Variants in CABIN1 observed in about 807,000 individuals in gnomAD.
The protein encoded by CABIN1 is calcineurin-binding protein cabin-1.
A neutral mutation model predicts 227.7 loss-of-function variants in CABIN1; 133 were observed. That is an observed-to-expected ratio of 0.58 (90% CI 0.51 to 0.67). The LOEUF (loss-of-function observed/expected upper bound fraction) is 0.67. CABIN1 is among the 30% of genes least tolerant of loss of function. The pLI, the probability that CABIN1 is intolerant of heterozygous loss-of-function variation, is 0.00. For missense variants in CABIN1, 2,408 were observed against 2,852.5 expected (o/e 0.84, Z 3.55); for synonymous variants, 1,086 against 1,155.1 (o/e 0.94, Z 1.21).
At chr22:24,127,951 TTG>T (rs1409792995) in intron 28 of CABIN1, among the ~76,000 whole-genome samples, 1 of 152,138 alleles carries the variant, frequency 6.6e-6, no homozygotes, top group Non-Finnish European at 1.5e-5. Context: ...TGTGGGGATG[TTG>T]TGTGTGCACT....
Position 24,018,253 on chromosome 22 carries a change from AT to A in CABIN1, c.-75+6894del, listed in dbSNP as rs367981213. ...TTTTCTCCCAATTTGTTAGCTTTTA[AT>A]TTTTTTTCTGAGTTTTTAAATTTTT... On this transcript the variant is annotated intron_variant, in intron 1 of 36. Coordinates refer to ENST00000263119, the MANE Select transcript of CABIN1 (RefSeq NM_012295.4). Among the ~76,000 whole-genome samples the A allele has an allele frequency of 1.7e-3, 252 of 151,720 alleles. 1 individual carries two copies. Among genetic ancestry groups the A allele is most frequent in the African/African-American group, 5.7e-3 (236 of 41,350 alleles).
At chr22:24,076,755 C>T (rs761034100) in intron 19 of CABIN1, among the ~76,000 whole-genome samples, 1 of 152,142 alleles carries the variant, frequency 6.6e-6, no homozygotes, top group Admixed American at 6.5e-5. Flanking sequence ...TTAGTGAGAG[C>T]ACATACACTT....
intron 8 of CABIN1, among the ~76,000 whole-genome samples, chr22:24,052,261 G>A (rs2038393605): frequency 6.6e-6 from 1 of 152,128 alleles, no homozygotes; most frequent in South Asian, 2.1e-4. Flanking sequence ...AAGCAAGAGG[G>A]AGTTAGGCTC....
chr22:24,163,843 G>C (rs947917061), intron 29 of CABIN1, among the ~76,000 whole-genome samples: 3 of 152,190 alleles, frequency 2.0e-5, no homozygotes, highest in Non-Finnish European at 4.4e-5. Flanking sequence ...CTTTGCCCTG[G>C]TTAAGCCTTC....
intron 26 of CABIN1, among the ~76,000 whole-genome samples, chr22:24,107,814 C>T (rs17641131): frequency 0.022 from 3,418 of 152,330 alleles, 45 homozygotes; most frequent in Admixed American, 0.035. Context: ...GCTCGTGGGG[C>T]AGCTTGCCAG....
chr22:24,019,120 G>GTTTT lies in CABIN1; in HGVS notation c.-75+7778_-75+7781dup, dbSNP rs945660140. ...ATATTGTGCAACTTCACTGAGTGTT[G>GTTTT]TTTTTTTTTTTTTTTTTTTTTTTTT... On this transcript the variant is annotated intron_variant, in intron 1 of 36. Transcript: ENST00000263119. Among the ~76,000 whole-genome samples, 9 of 40,218 alleles carry GTTTT rather than the reference G, an allele frequency of 2.2e-4. 2 individuals are homozygous for GTTTT. Among genetic ancestry groups the GTTTT allele is most frequent in the South Asian group, 1.3e-3 (1 of 772 alleles). 26.4% of individuals were successfully genotyped at this position (40,218 alleles called of 152,430 possible).
intron 3 of CABIN1, among the ~76,000 whole-genome samples, chr22:24,036,975 C>CCCGGATTA (rs1385515616): frequency 6.6e-6 from 1 of 152,028 alleles, no homozygotes; most frequent in African/African-American, 2.4e-5. Context: ...AACATGGAAA[C>CCCGGATTA]CAGGCCGGGT....
chr22:24,091,568 A>G lies in CABIN1; in HGVS notation c.3526-15A>G, dbSNP rs752463662. On this transcript the variant is annotated splice_polypyrimidine_tract_variant and intron_variant, in intron 23 of 36. Coordinates refer to ENST00000263119, the MANE Select transcript of CABIN1 (RefSeq NM_012295.4). ...TCAGGCGTAAGGCCAGCCCAGTCTCATGATCTTCTTACAGATGGAGGGCCG... is the reference window on the plus strand; with the variant it reads ...TCAGGCGTAAGGCCAGCCCAGTCTCGTGATCTTCTTACAGATGGAGGGCCG... 2 of 1,614,142 alleles carry G rather than the reference A, an allele frequency of 1.2e-6. No homozygotes were observed. Among genetic ancestry groups the G allele is most frequent in the Non-Finnish European group, 1.7e-6 (2 of 1,180,010 alleles).
Position 24,061,994 on chromosome 22 carries a change from G to A in CABIN1, c.1665G>A (p.Gln555=), listed in dbSNP as rs1385122035. The change falls in exon 13 of 37, where the codon CAG becomes CAA. Residue 555 remains glutamine (Q), a synonymous_variant. Coordinates refer to ENST00000263119, the MANE Select transcript of CABIN1 (RefSeq NM_012295.4). ...SLSCMELQLD[Q]WLLTKGRSSA... The stretch of plus-strand genomic sequence containing the variant: ...CCTGCATGGAACTCCAGCTGGACCA[G>A]TGGCTGCTGACCAAAGGCAGAAGCT... 1 of 1,614,066 alleles carries A rather than the reference G, an allele frequency of 6.2e-7. No individual in the cohort carries two copies. Among genetic ancestry groups the A allele is most frequent in the Non-Finnish European group, 8.5e-7 (1 of 1,180,020 alleles).
At position 24,055,072 on chromosome 22, in the gene CABIN1, G is replaced by A. The variant is rs762448140; in HGVS notation, c.1006G>A (p.Ala336Thr). ...TVSTNPAVAVAEPVVSYTSVA... is the reference protein window; with the variant it reads ...TVSTNPAVAVTEPVVSYTSVA... ...CAGCACCAACCCAGCTGTGGCTGTCGCCGAGCCTGTGGTCTCCTACACCTC... is the reference window on the plus strand; with the variant it reads ...CAGCACCAACCCAGCTGTGGCTGTCACCGAGCCTGTGGTCTCCTACACCTC... Residue 336 changes from alanine to threonine, a missense_variant, in exon 9 of 37, where the codon GCC becomes ACC. Transcript: ENST00000263119. 15 of 1,614,096 alleles carry A rather than the reference G, an allele frequency of 9.3e-6. No homozygotes were observed. In the Admixed American group the frequency reaches 1.0e-4, roughly 11 times the overall value.
At chr22:24,014,630 A>G (rs2035101614) in intron 1 of CABIN1, among the ~76,000 whole-genome samples, 1 of 152,096 alleles carries the variant, frequency 6.6e-6, no homozygotes, top group Non-Finnish European at 1.5e-5. Context: ...AGTTAGGTTC[A>G]TTGTTAGTGT....
At chr22:24,027,027 T>C (rs2146722195) in intron 1 of CABIN1, among the ~76,000 whole-genome samples, 1 of 152,368 alleles carries the variant, frequency 6.6e-6, no homozygotes, top group South Asian at 2.1e-4. Context: ...GTGGTATGTC[T>C]TTCCATTTGT....
At chr22:24,150,333 T>C (rs1327509233) in intron 29 of CABIN1, among the ~76,000 whole-genome samples, 1 of 152,192 alleles carries the variant, frequency 6.6e-6, no homozygotes, top group Non-Finnish European at 1.5e-5. Flanking sequence ...AGGCCTGCGC[T>C]GACCTTGCAG....
intron 26 of CABIN1, among the ~76,000 whole-genome samples, chr22:24,107,815 A>C (rs1040757052): frequency 1.3e-5 from 2 of 152,220 alleles, no homozygotes; most frequent in African/African-American, 4.8e-5. Context: ...CTCGTGGGGC[A>C]GCTTGCCAGT....
chr22:24,041,165 G>C lies in CABIN1; in HGVS notation c.237G>C (p.Glu79Asp), dbSNP rs1329418726. The change falls in exon 5 of 37, where the codon GAG (glutamate) becomes GAC (aspartate). Residue 79 changes from glutamate to aspartate, a missense_variant. Around this residue, in one of 3 missense-constraint regions of CABIN1, gnomAD observed 1,045 missense variants for 1,168.4 expected, o/e 0.89. Coordinates refer to ENST00000263119, the MANE Select transcript of CABIN1 (RefSeq NM_012295.4). ...REAVSSGDEK[E>D]GLKHPGLILK... ...CAGTTTCATCCGGTGATGAGAAAGA[G>C]GGGTTGAAACACCCTGGGCTGATAC... The C allele has an allele frequency of 6.2e-7, 1 of 1,614,242 alleles. No homozygotes were observed. The highest frequency in any genetic ancestry group is 8.5e-7 in the Non-Finnish European group (1 of 1,180,048).
At chr22:24,057,396 C>T (rs1294732952) in intron 10 of CABIN1, among the ~76,000 whole-genome samples, 1 of 152,174 alleles carries the variant, frequency 6.6e-6, no homozygotes, top group Non-Finnish European at 1.5e-5. Context: ...CGGCAGACAC[C>T]ATTCTTCATT....
At chr22:24,059,891 ATTCAAGTCAGG>A (rs745363287) in intron 11 of CABIN1, 22 bp from the exon 12 acceptor site, 1 of 1,586,760 alleles carries the variant, frequency 6.3e-7, no homozygotes, top group Non-Finnish European at 8.7e-7. Context: ...GGTACTCTTT[ATTCAAGTCAGG>A]TTGTTCTTGC....
At chr22:24,069,173 A>G (rs1048195623) in intron 16 of CABIN1, among the ~76,000 whole-genome samples, 2 of 152,130 alleles carry the variant, frequency 1.3e-5, no homozygotes, top group Admixed American at 1.3e-4. Flanking sequence ...CTAATTGGAT[A>G]GTTTGTGTCT....
At chr22:24,161,525 C>T (rs2046152340) in intron 29 of CABIN1, among the ~76,000 whole-genome samples, 1 of 151,888 alleles carries the variant, frequency 6.6e-6, no homozygotes, top group South Asian at 2.1e-4. Flanking sequence ...CGCGGCGACC[C>T]TGCTTCTCTC....
Sources: allele counts gnomAD v4.1 joint callset (sites outside exome capture counted in the v4.1 genomes callset), GRCh38; gene constraint gnomAD v4.1.1; regional missense constraint gnomAD v4.1.1; transcripts MANE v1.5; gene names NCBI Gene and HGNC (gene_info 2026-07-23, HGNC 2026-07-21).